The following RBPMS variants were observed in gnomAD, a reference collection of about 807,000 sequenced individuals.
The protein encoded by RBPMS is RNA binding protein, mRNA processing factor, also known as RNA-binding protein with multiple splicing.
In RBPMS, 7 loss-of-function variants were observed where a neutral mutation model predicts 26.8. The observed-to-expected ratio is 0.26, with a 90% CI of 0.15 to 0.49. The LOEUF (loss-of-function observed/expected upper bound fraction) is 0.49, where lower values mean the gene tolerates loss of function less well. Ranked by LOEUF, RBPMS falls within the 20% of genes least tolerant of loss-of-function variation. The pLI is 0.98. For missense variants in RBPMS, 186 were observed against 250.0 expected (o/e 0.74, Z 1.73); for synonymous variants, 96 against 93.3 (o/e 1.03, Z -0.17).
intron 1 of RBPMS, among the ~76,000 whole-genome samples, chr8:30,468,845 G>T (rs1463616324): frequency 2.6e-5 from 4 of 152,156 alleles, no homozygotes; most frequent in Non-Finnish European, 5.9e-5. Context: ...AAGAATATGG[G>T]TAGATAGAGA....
At chr8:30,473,926 G>T (rs1441079839) in intron 1 of RBPMS, among the ~76,000 whole-genome samples, 1 of 152,110 alleles carries the variant, frequency 6.6e-6, no homozygotes, top group Middle Eastern at 3.2e-3. Context: ...AACACACATT[G>T]GGCTTGTCGG....
At chr8:30,424,891 G>A (rs570795171) in intron 1 of RBPMS, among the ~76,000 whole-genome samples, 2 of 152,030 alleles carry the variant, frequency 1.3e-5, no homozygotes, top group East Asian at 3.9e-4. Flanking sequence ...TTGGGTACAC[G>A]CGCGCACACA....
At chr8:30,391,279 G>A (rs1807763571) in intron 1 of RBPMS, among the ~76,000 whole-genome samples, 1 of 152,230 alleles carries the variant, frequency 6.6e-6, no homozygotes, top group Non-Finnish European at 1.5e-5. Context: ...CCTTTTGGAC[G>A]AGGGCTTCCA....
intron 4 of RBPMS, among the ~76,000 whole-genome samples, chr8:30,482,429 T>G (rs868456322): frequency 1.3e-5 from 2 of 152,242 alleles, no homozygotes; most frequent in African/African-American, 2.4e-5. Flanking sequence ...TTTCTCTTTT[T>G]GTTGTTTCTG....
At chr8:30,476,584 C>T (rs919427345) in intron 2 of RBPMS, among the ~76,000 whole-genome samples, 2 of 152,138 alleles carry the variant, frequency 1.3e-5, no homozygotes, top group Non-Finnish European at 2.9e-5. Flanking sequence ...AAGGATGAAT[C>T]AATCTCAACA....
At chr8:30,433,832 T>C (rs987759307) in intron 1 of RBPMS, among the ~76,000 whole-genome samples, 2 of 152,216 alleles carry the variant, frequency 1.3e-5, no homozygotes, top group African/African-American at 4.8e-5. Context: ...AACTTCCATG[T>C]CCTGATTCTT....
chr8:30,560,067 GAA>G (rs1827318424), intron 7 of RBPMS, among the ~76,000 whole-genome samples: 1 of 152,224 alleles, frequency 6.6e-6, no homozygotes. Flanking sequence ...CCTCTCACAA[GAA>G]AAAGACACTA....
At chr8:30,453,295 C>T (rs1786919561) in intron 1 of RBPMS, among the ~76,000 whole-genome samples, 1 of 152,146 alleles carries the variant, frequency 6.6e-6, no homozygotes, top group Non-Finnish European at 1.5e-5. Flanking sequence ...TCTCAGCCCC[C>T]ACGTTAGATC....
chr8:30,515,493 AAT>A (rs1450227342), intron 5 of RBPMS, among the ~76,000 whole-genome samples: 1 of 152,190 alleles, frequency 6.6e-6, no homozygotes, highest in Non-Finnish European at 1.5e-5. Context: ...CAGCCAATAC[AAT>A]ATGTTACAAT....
chr8:30,432,517 C>G (rs1194366850), intron 1 of RBPMS, among the ~76,000 whole-genome samples: 1 of 152,152 alleles, frequency 6.6e-6, no homozygotes, highest in Non-Finnish European at 1.5e-5. Flanking sequence ...ACGATTTCAT[C>G]AGTCAGGAAT....
At chr8:30,472,204 A>G (rs921729283) in intron 1 of RBPMS, among the ~76,000 whole-genome samples, 3 of 152,240 alleles carry the variant, frequency 2.0e-5, no homozygotes, top group Non-Finnish European at 4.4e-5. Context: ...ACACTACAGA[A>G]TACTTCTCAG....
chr8:30,456,434 GAC>G (rs1815224093), intron 1 of RBPMS, among the ~76,000 whole-genome samples: 2 of 152,110 alleles, frequency 1.3e-5, no homozygotes, highest in African/African-American at 4.8e-5. Flanking sequence ...TAGTACTTTT[GAC>G]ACAGTTTCAG....
chr8:30,452,993 G>A lies in RBPMS; in HGVS notation c.67-21786G>A, dbSNP rs75786678. 8.0e-3 allele frequency among the ~76,000 whole-genome samples: 1,225 copies of A among 152,246 alleles called. 16 individuals are homozygous for A. Among genetic ancestry groups the A allele is most frequent in the African/African-American group, 0.027 (1,133 of 41,544 alleles). On this transcript the variant is annotated intron_variant, in intron 1 of 8. Coordinates refer to ENST00000397323, the MANE Select transcript of RBPMS (RefSeq NM_001008710.3). ...GTATCTCATTCTGCCTTCAAGTGTG[G>A]TTACTTGATACAGATGTCTTCTTTC...
chr8:30,453,340 A>G (rs1814822950), intron 1 of RBPMS, among the ~76,000 whole-genome samples: 1 of 152,230 alleles, frequency 6.6e-6, no homozygotes, highest in African/African-American at 2.4e-5. Context: ...ATAAAATGCT[A>G]CATGAAAATA....
chr8:30,556,859 C>T, intron 6 of RBPMS: 1 of 784,742 alleles, frequency 1.3e-6, no homozygotes, highest in Non-Finnish European at 1.5e-6. Context: ...CTCTTCTGTC[C>T]CCTTCCCTGC....
At chr8:30,516,292 G>A (rs1822300853) in intron 5 of RBPMS, among the ~76,000 whole-genome samples, 1 of 152,214 alleles carries the variant, frequency 6.6e-6, no homozygotes, top group Admixed American at 6.5e-5. Context: ...AGCTGAGGCA[G>A]GAGAATTGCC....
intron 5 of RBPMS, among the ~76,000 whole-genome samples, chr8:30,536,237 C>T (rs1013201444): frequency 4.0e-5 from 6 of 151,712 alleles, no homozygotes; most frequent in African/African-American, 9.7e-5. Context: ...AAGCCATTCT[C>T]CTGCCTCAGC....
chr8:30,518,420 GTTATTTAT>G (rs543639993), intron 5 of RBPMS, among the ~76,000 whole-genome samples: 12 of 151,316 alleles, frequency 7.9e-5, no homozygotes, highest in Middle Eastern at 3.4e-3. Context: ...TCATTCATTG[GTTATTTAT>G]TTATTTATTT....
intron 6 of RBPMS, among the ~76,000 whole-genome samples, chr8:30,555,068 AT>A (rs1358294531): frequency 6.6e-6 from 1 of 151,922 alleles, no homozygotes; most frequent in Non-Finnish European, 1.5e-5. Context: ...CTGGGCCTTC[AT>A]TTTTCATCTA....
Sources: gnomAD v4.1 joint callset for allele counts (sites outside exome capture counted in the v4.1 genomes callset) on GRCh38, gnomAD v4.1.1 for gene constraint, MANE v1.5 for transcripts, NCBI Gene and HGNC (gene_info 2026-07-23, HGNC 2026-07-21) for gene names.